The following NPAS2 variants were observed in gnomAD, a reference collection of about 807,000 sequenced individuals.
The protein encoded by NPAS2 is neuronal PAS domain-containing protein 2.
Under a neutral mutation model 107.5 loss-of-function variants are expected in NPAS2, and 23 were observed. The ratio of observed to expected loss-of-function variants is 0.21; its 90% CI spans 0.15 to 0.30. NPAS2 has a LOEUF of 0.30. Ranked by LOEUF, NPAS2 falls within the 10% of genes least tolerant of loss-of-function variation. NPAS2 has a pLI of 1.00. For synonymous variants in NPAS2, 403 were observed against 417.5 expected (o/e 0.97, Z 0.42); for missense variants, 756 against 1,043.3 (o/e 0.72, Z 3.79).
chr2:100,850,051 GA>G (rs1189768316), intron 1 of NPAS2, among the ~76,000 whole-genome samples: 7 of 55,986 alleles, frequency 1.3e-4, no homozygotes, highest in South Asian at 7.0e-4. Context: ...AGAGAAAATA[GA>G]AAAAAAAATT....
At chr2:100,900,864 C>T (rs961360160) in intron 1 of NPAS2, among the ~76,000 whole-genome samples, 4 of 151,836 alleles carry the variant, frequency 2.6e-5, no homozygotes, top group Non-Finnish European at 5.9e-5. Flanking sequence ...TTTCCCCTCC[C>T]CTCCCCTCCC....
chr2:100,827,187 T>C (rs986919727), intron 1 of NPAS2, among the ~76,000 whole-genome samples: 1 of 152,156 alleles, frequency 6.6e-6, no homozygotes, highest in Non-Finnish European at 1.5e-5. Context: ...CCTGAGGAGA[T>C]GACCTTCCAG....
chr2:100,892,271 T>C (rs756061133), intron 1 of NPAS2, among the ~76,000 whole-genome samples: 9 of 151,998 alleles, frequency 5.9e-5, no homozygotes, highest in Admixed American at 6.6e-5. Context: ...TTACGGTACA[T>C]TTACTTAATA....
chr2:100,984,033 A>G (rs796423529), intron 16 of NPAS2: 66 of 152,336 alleles, frequency 4.3e-4, no homozygotes, highest in African/African-American at 1.6e-3. Flanking sequence ...TGTTATAACA[A>G]AGTATTTTTC....
chr2:100,956,234 T>C (rs1675559450), intron 7 of NPAS2, among the ~76,000 whole-genome samples: 1 of 152,136 alleles, frequency 6.6e-6, no homozygotes, highest in Non-Finnish European at 1.5e-5. Flanking sequence ...AGGGGGTACA[T>C]GTGCAGGTCT....
intron 15 of NPAS2, among the ~76,000 whole-genome samples, chr2:100,979,502 ATTTTTTTTT>A (rs757799235): frequency 9.2e-5 from 4 of 43,334 alleles, no homozygotes; most frequent in African/African-American, 3.9e-4. Flanking sequence ...ATATATATAT[ATTTTTTTTT>A]TTTTTTTTTT....
chr2:100,862,810 C>T (rs552867209), intron 1 of NPAS2, among the ~76,000 whole-genome samples: 7 of 152,292 alleles, frequency 4.6e-5, no homozygotes, highest in South Asian at 2.1e-4. Flanking sequence ...CTTCCTTTTA[C>T]GGGAGTTGCT....
rs190130897 is a variant in NPAS2 at position 100,831,271 on chromosome 2, G to A, written c.-23+10857G>A. On this transcript the variant is annotated intron_variant, in intron 1 of 20. Coordinates refer to ENST00000335681, the MANE Select transcript of NPAS2 (RefSeq NM_002518.4). Reference sequence around the variant, plus strand: ...AGATTGCGCCATTGCACTCCAGCCTGGGTGACAAAGCAAGACTCTGTCTCA... The same window carrying A: ...AGATTGCGCCATTGCACTCCAGCCTAGGTGACAAAGCAAGACTCTGTCTCA... 2.7e-3 allele frequency among the ~76,000 whole-genome samples: 411 copies of A among 152,206 alleles called. 4 individuals are homozygous for A. The highest frequency in any genetic ancestry group is 6.8e-3 in the Middle Eastern group (2 of 294).
chr2:100,921,247 T>C (rs552251544), intron 2 of NPAS2, among the ~76,000 whole-genome samples: 1 of 152,346 alleles, frequency 6.6e-6, no homozygotes, highest in East Asian at 1.9e-4. Flanking sequence ...ACACAGCCTC[T>C]CAGTGCCTCG....
At chr2:100,819,873 C>T (rs1675955921), upstream of NPAS2, among the ~76,000 whole-genome samples, 1 of 152,056 alleles carries the variant, frequency 6.6e-6, no homozygotes, top group South Asian at 2.1e-4. This position sits in a 1 kb window ranked among gnomAD's most constrained non-coding sequence, Gnocchi z 5.8. Context: ...GGCAGCCCAG[C>T]AGAGGCTGCG....
chr2:100,863,075 T>C (rs1454990292), intron 1 of NPAS2, among the ~76,000 whole-genome samples: 1 of 152,234 alleles, frequency 6.6e-6, no homozygotes, highest in Non-Finnish European at 1.5e-5. Flanking sequence ...GGCAGTCACC[T>C]ATCCTCTTGG....
intron 7 of NPAS2, chr2:100,962,868 G>GT (rs1343379424): frequency 2.6e-5 from 4 of 152,238 alleles, no homozygotes; most frequent in South Asian, 2.1e-4. Context: ...GCCCATGGCT[G>GT]TGGGCCTAGG....
At chr2:100,879,471 G>A (rs1400374739) in intron 1 of NPAS2, among the ~76,000 whole-genome samples, 1 of 152,024 alleles carries the variant, frequency 6.6e-6, no homozygotes, top group Non-Finnish European at 1.5e-5. Context: ...TGTATCCTTT[G>A]AACTCTACTT....
chr2:100,873,275 CATATATATATAT>C lies in NPAS2; in HGVS notation c.-22-31436_-22-31425del, dbSNP rs376842348. 8.6e-4 allele frequency among the ~76,000 whole-genome samples: 66 copies of C among 77,188 alleles called. 1 individual carries two copies. In the East Asian group the frequency reaches 0.019, roughly 22 times the overall value. 50.6% of individuals were successfully genotyped at this position (77,188 alleles called of 152,430 possible). On this transcript the variant is annotated intron_variant, in intron 1 of 20. Transcript: ENST00000335681. ...TCAAAAAAAAAAAAAAAAAAAAATA[CATATATATATAT>C]ATATATATATATATATATATACACA...
chr2:100,905,882 G>A (rs1682117422), intron 2 of NPAS2, among the ~76,000 whole-genome samples: 1 of 152,126 alleles, frequency 6.6e-6, no homozygotes, highest in Non-Finnish European at 1.5e-5. Context: ...ACCTGGAGAG[G>A]CAGCCATGAG....
In NPAS2 at chr2:100,873,303, T is replaced by TACACAC. The variant is rs1553447436; in HGVS notation, c.-22-31429_-22-31428insCACACA. ...ATATATATATATATATATATATATA[T>TACACAC]ATATACACACACACACACACACACA... On this transcript the variant is annotated intron_variant, in intron 1 of 20. Transcript: ENST00000335681. 2.2e-4 allele frequency among the ~76,000 whole-genome samples: 10 copies of TACACAC among 45,972 alleles called. No homozygotes were observed. The East Asian group carries it at 2.4e-3, about 11-fold the overall frequency. 30.2% of individuals were successfully genotyped at this position (45,972 alleles called of 152,430 possible).
intron 10 of NPAS2, among the ~76,000 whole-genome samples, chr2:100,967,782 G>A (rs1026528520): frequency 1.3e-5 from 2 of 152,182 alleles, no homozygotes; most frequent in African/African-American, 4.8e-5. Flanking sequence ...GGGAAGCCTG[G>A]GGTGGAGGCA....
chr2:100,977,767 G>A lies in NPAS2; in HGVS notation c.1450G>A (p.Val484Ile), dbSNP rs756255193. The A allele has an allele frequency of 1.2e-5, 19 of 1,614,038 alleles. No homozygotes were observed. The highest frequency in any genetic ancestry group is 2.7e-5 in the African/African-American group (2 of 74,920). ...DLTQQLLPQT[V>I]LQSTPAPMAQ... ...CACACAGCAGCTCCTGCCTCAGACCGTTCTGCAGAGCACGCCCGCTCCCAT... is the reference window on the plus strand; with the variant it reads ...CACACAGCAGCTCCTGCCTCAGACCATTCTGCAGAGCACGCCCGCTCCCAT... The change falls in exon 15 of 21, where the codon GTT becomes ATT. Residue 484 changes from valine (V) to isoleucine (I), a missense_variant. Around this residue, in one of 4 missense-constraint regions of NPAS2, gnomAD observed 496 missense variants for 594.4 expected, o/e 0.83. Coordinates refer to ENST00000335681, the MANE Select transcript of NPAS2 (RefSeq NM_002518.4).
rs1198129722 is a variant in NPAS2, at chr2:100,990,831, A to G, written c.2070A>G (p.Ala690=). 1 of 1,614,158 alleles carries G rather than the reference A, an allele frequency of 6.2e-7. No individual in the cohort carries two copies. Among genetic ancestry groups the G allele is most frequent in the Non-Finnish European group, 8.5e-7 (1 of 1,180,022 alleles). The change falls in exon 19 of 21, where the codon GCA becomes GCG. Residue 690 remains alanine (A), a synonymous_variant. Transcript: ENST00000335681. ...CCATGATGCCCGGGTCCTGTGACGC[A>G]AGGCAGCCCTCGGAAGTCAGCAGGA... ...IQPMMPGSCD[A]RQPSEVSRTG...
Sources: gnomAD v4.1 joint callset for allele counts (sites outside exome capture counted in the v4.1 genomes callset) on GRCh38, gnomAD v4.1.1 for gene constraint, gnomAD v4.1.1 regional missense constraint, Gnocchi (gnomAD v3.1) non-coding constraint, MANE v1.5 for transcripts, NCBI Gene and HGNC (gene_info 2026-07-23, HGNC 2026-07-21) for gene names.